ARL6: variants seen among roughly 807,000 people sequenced by gnomAD.
ARL6 encodes ADP-ribosylation factor-like protein 6.
Under a neutral mutation model 27.1 loss-of-function variants are expected in ARL6, and 18 were observed. That is an observed-to-expected ratio of 0.66 (90% confidence interval 0.46 to 0.98). The LOEUF is 0.98. Ranked by LOEUF, ARL6 falls within the 50% of genes least tolerant of loss-of-function variation. The pLI, the probability that ARL6 is intolerant of heterozygous loss-of-function variation, is 0.00. For missense variants in ARL6, 187 were observed against 214.9 expected, an observed-to-expected ratio of 0.87 and a Z score of 0.81; for synonymous variants, 65 against 72.3, an observed-to-expected ratio of 0.90 and a Z score of 0.51.
intron 2 of ARL6, 123 bp downstream of exon 2, chr3:97,768,353 G>T: frequency 1.1e-6 from 1 of 940,438 alleles, no homozygotes; most frequent in Non-Finnish European, 1.6e-6. Flanking sequence ...TAACCTTTCA[G>T]TACCTTTAAG....
At chr3:97,767,836 ATGT>A (rs771933335) in intron 1 of ARL6, among the ~76,000 whole-genome samples, 40 of 152,118 alleles carry the variant, frequency 2.6e-4, no homozygotes, top group East Asian at 2.5e-3. Context: ...ACAGAGAGAA[ATGT>A]TGTTATTTCC....
At chr3:97,768,567 T>C (rs994292151) in intron 2 of ARL6, among the ~76,000 whole-genome samples, 5 of 152,254 alleles carry the variant, frequency 3.3e-5, no homozygotes, top group Admixed American at 2.6e-4. Flanking sequence ...GTTCTATGGA[T>C]AATTAGACAA....
At chr3:97,784,378 C>G (rs1177946221) in intron 4 of ARL6, among the ~76,000 whole-genome samples, 1 of 151,262 alleles carries the variant, frequency 6.6e-6, no homozygotes, top group Non-Finnish European at 1.5e-5. Context: ...TAAAATACAT[C>G]TATATATACC....
chr3:97,779,126 C>T (rs7620134), intron 2 of ARL6, among the ~76,000 whole-genome samples: 67,221 of 151,966 alleles, frequency 0.44, 16,098 homozygotes, highest in East Asian at 0.65. Context: ...CCCTTTCAAT[C>T]TCTTCTCCAC....
At position 97,798,816 on chromosome 3, in the gene ARL6, G is replaced by T. The variant is rs1187049813; in HGVS notation, c.*767G>T. On this transcript the variant is annotated 3_prime_UTR_variant, in exon 8 of 8. Transcript: ENST00000463745. ...AGTATCTAATTTTATTTCATTGGCTGAATGAAAATATTGCATCTTCAGATT... is the reference window on the plus strand; with the variant it reads ...AGTATCTAATTTTATTTCATTGGCTTAATGAAAATATTGCATCTTCAGATT... The T allele has an allele frequency of 6.6e-6, 1 of 151,996 alleles. No homozygotes were observed. The highest frequency in any genetic ancestry group is 1.5e-5 in the Non-Finnish European group (1 of 67,926). The allele number at this position is 151,996 out of a possible 1,614,324, so 9.4% of individuals were successfully genotyped here.
At position 97,788,133 on chromosome 3, in the gene ARL6, TTTAC is replaced by T. The variant is rs759965769; in HGVS notation, c.479+17_479+20del. 15 of 1,611,178 alleles carry T rather than the reference TTTAC, an allele frequency of 9.3e-6. No homozygotes were observed. The highest frequency in any genetic ancestry group is 1.2e-5 in the Non-Finnish European group (14 of 1,178,900). On this transcript the variant is annotated intron_variant, in intron 6 of 7. Coordinates refer to ENST00000463745, the MANE Select transcript of ARL6 (RefSeq NM_001278293.3). ...CTGGCATATTTGGTAAAGTTTTATA[TTTAC>T]TTTTCACTGTAGCTTTCTGAAAAAT...
intron 5 of ARL6, 89 bp downstream of exon 5, chr3:97,785,138 A>AT: frequency 1.1e-6 from 1 of 939,564 alleles, no homozygotes; most frequent in Non-Finnish European, 1.7e-6. Context: ...ATACTATGTA[A>AT]TTATCTTTCA....
intron 2 of ARL6, among the ~76,000 whole-genome samples, chr3:97,779,553 A>G (rs1031489369): frequency 3.9e-4 from 60 of 151,994 alleles, no homozygotes; most frequent in African/African-American, 1.2e-3. Flanking sequence ...AACATATACA[A>G]ACTCACGTAT....
At chr3:97,790,494 G>A (rs2037680439) in intron 6 of ARL6, among the ~76,000 whole-genome samples, 1 of 152,104 alleles carries the variant, frequency 6.6e-6, no homozygotes, top group Non-Finnish European at 1.5e-5. Context: ...TGAGAGGAAA[G>A]ATAGAATTCG....
intron 2 of ARL6, among the ~76,000 whole-genome samples, chr3:97,779,270 C>T (rs578035012): frequency 1.8e-4 from 28 of 152,158 alleles, no homozygotes; most frequent in Non-Finnish European, 2.9e-4. Flanking sequence ...AATCATTGCA[C>T]TGACAGATTT....
intron 2 of ARL6, among the ~76,000 whole-genome samples, chr3:97,772,619 C>CT (rs571939797): frequency 0.035 from 4,411 of 124,378 alleles, 168 homozygotes; most frequent in African/African-American, 0.086. Flanking sequence ...AGGCTTGTTA[C>CT]TTTTTTTTTT....
At chr3:97,776,085 T>C (rs2036884264) in intron 2 of ARL6, among the ~76,000 whole-genome samples, 1 of 152,228 alleles carries the variant, frequency 6.6e-6, no homozygotes, top group African/African-American at 2.4e-5. Flanking sequence ...CCTTTAGCTC[T>C]ATTAATGTTT....
At chr3:97,779,216 A>C (rs2037059204) in intron 2 of ARL6, among the ~76,000 whole-genome samples, 1 of 152,130 alleles carries the variant, frequency 6.6e-6, no homozygotes, top group Admixed American at 6.5e-5. Flanking sequence ...TGAGACATTT[A>C]GGCTTTCTGC....
At chr3:97,784,727 A>G (rs2037364139) in intron 4 of ARL6, among the ~76,000 whole-genome samples, 1 of 151,900 alleles carries the variant, frequency 6.6e-6, no homozygotes, top group Non-Finnish European at 1.5e-5. Context: ...GCAAGTCATT[A>G]AATTTACTTT....
intron 5 of ARL6, among the ~76,000 whole-genome samples, chr3:97,787,766 G>A (rs1489422412): frequency 3.9e-5 from 6 of 152,076 alleles, no homozygotes; most frequent in Non-Finnish European, 8.8e-5. Flanking sequence ...TTTGGTTAAA[G>A]CTCCTAACCA....
At chr3:97,776,136 T>C (rs989388400) in intron 2 of ARL6, among the ~76,000 whole-genome samples, 2 of 152,256 alleles carry the variant, frequency 1.3e-5, no homozygotes, top group Admixed American at 1.3e-4. Context: ...GGCACATATA[T>C]TTACAATTGT....
At chr3:97,773,298 G>T (rs1233245010) in intron 2 of ARL6, among the ~76,000 whole-genome samples, 2 of 152,152 alleles carry the variant, frequency 1.3e-5, no homozygotes, top group Non-Finnish European at 2.9e-5. Flanking sequence ...TATATATTCT[G>T]GGCGCACTGG....
intron 5 of ARL6, among the ~76,000 whole-genome samples, chr3:97,785,740 A>G (rs1258114743): frequency 6.6e-6 from 1 of 152,116 alleles, no homozygotes; most frequent in Non-Finnish European, 1.5e-5. Flanking sequence ...CTGTTGATGT[A>G]TACTTTCCTC....
At chr3:97,766,117 T>A (rs1222508439) in intron 1 of ARL6, 1 of 152,126 alleles carries the variant, frequency 6.6e-6, no homozygotes, top group Non-Finnish European at 1.5e-5. Context: ...TATTCAAGCA[T>A]CAGGCTTTAA....
Sources: allele counts gnomAD v4.1 joint callset (sites outside exome capture counted in the v4.1 genomes callset), GRCh38; gene constraint gnomAD v4.1.1; transcripts MANE v1.5; gene names NCBI Gene and HGNC (gene_info 2026-07-23, HGNC 2026-07-21).